NPAS3: variants seen among roughly 807,000 people sequenced by gnomAD.
The protein encoded by NPAS3 is neuronal PAS domain-containing protein 3.
In NPAS3, 14 loss-of-function variants were observed where a neutral mutation model predicts 73.1. That is an observed-to-expected ratio of 0.19 (90% CI 0.13 to 0.30). The LOEUF (loss-of-function observed/expected upper bound fraction) is 0.30, where lower values mean the gene tolerates loss of function less well. Among genes scored for constraint, NPAS3 ranks in the 10% least tolerant of loss-of-function variants. The probability of loss-of-function intolerance (pLI) is 1.00; values close to 1 mark genes in which losing one functional copy is unlikely to be tolerated. For synonymous variants in NPAS3, 620 were observed against 541.5 expected (o/e 1.14, Z -2.01); for missense variants, 1,096 against 1,250.0 (o/e 0.88, Z 1.86).
At chr14:33,553,301 G>T (rs1423169198) in intron 4 of NPAS3, among the ~76,000 whole-genome samples, 1 of 152,148 alleles carries the variant, frequency 6.6e-6, no homozygotes, top group African/African-American at 2.4e-5. Context: ...GGGTCTCTTT[G>T]TTCTTCTCAT....
intron 1 of NPAS3, among the ~76,000 whole-genome samples, chr14:32,960,159 TTTAC>T (rs1270596791): frequency 6.6e-6 from 1 of 152,022 alleles, no homozygotes; most frequent in Non-Finnish European, 1.5e-5. Context: ...CCCGAGAGGG[TTTAC>T]TTACTTTTAT....
At chr14:33,516,726 T>C (rs2053315736) in intron 4 of NPAS3, among the ~76,000 whole-genome samples, 1 of 152,236 alleles carries the variant, frequency 6.6e-6, no homozygotes, top group East Asian at 1.9e-4. Flanking sequence ...TGGTGAGCTC[T>C]CAATAATATT....
At chr14:33,700,312 G>A (rs974256328) in intron 6 of NPAS3, among the ~76,000 whole-genome samples, 4 of 152,138 alleles carry the variant, frequency 2.6e-5, no homozygotes, top group African/African-American at 9.7e-5. Flanking sequence ...AACTGCATCC[G>A]AGCACAGAGC....
At chr14:33,051,040 C>T (rs926787860) in intron 1 of NPAS3, among the ~76,000 whole-genome samples, 15 of 150,916 alleles carry the variant, frequency 9.9e-5, no homozygotes, top group Admixed American at 3.3e-4. Flanking sequence ...TTTGGGAGGC[C>T]GAGGCGGGTG....
At chr14:33,621,346 GAT>G (rs1948518073) in intron 5 of NPAS3, among the ~76,000 whole-genome samples, 1 of 152,100 alleles carries the variant, frequency 6.6e-6, no homozygotes, top group Non-Finnish European at 1.5e-5. Context: ...CCAGCTAAAA[GAT>G]AGGGATGCCA....
At chr14:33,171,512 C>T (rs536031275) in intron 2 of NPAS3, among the ~76,000 whole-genome samples, 1 of 152,324 alleles carries the variant, frequency 6.6e-6, no homozygotes, top group Admixed American at 6.5e-5. Context: ...ATAAACCAAC[C>T]TCTGCTAGCT....
intron 3 of NPAS3, among the ~76,000 whole-genome samples, chr14:33,280,432 T>G (rs2041549310): frequency 6.6e-6 from 1 of 152,196 alleles, no homozygotes; most frequent in South Asian, 2.1e-4. Flanking sequence ...ATGCCAATAC[T>G]GAGGAGAAAG....
At chr14:33,218,641 C>T (rs1416944133) in intron 3 of NPAS3, among the ~76,000 whole-genome samples, 1 of 152,096 alleles carries the variant, frequency 6.6e-6, no homozygotes, top group Non-Finnish European at 1.5e-5. Flanking sequence ...TTGAATAAAC[C>T]TAAAGGCATT....
At chr14:33,772,103 A>G (rs2138449216) in intron 7 of NPAS3, among the ~76,000 whole-genome samples, 1 of 152,324 alleles carries the variant, frequency 6.6e-6, no homozygotes, top group Middle Eastern at 3.4e-3. Flanking sequence ...TAGGCTTTTG[A>G]AAAACACCAA....
chr14:33,634,123 C>T (rs1329076670), intron 5 of NPAS3, among the ~76,000 whole-genome samples: 1 of 152,160 alleles, frequency 6.6e-6, no homozygotes, highest in Non-Finnish European at 1.5e-5. Flanking sequence ...TATTTCTTCC[C>T]TGGAAACTCG....
At chr14:33,464,828 G>T (rs970569671) in intron 4 of NPAS3, among the ~76,000 whole-genome samples, 3 of 152,212 alleles carry the variant, frequency 2.0e-5, no homozygotes, top group African/African-American at 7.2e-5. Context: ...GCCTGGTCCT[G>T]ATGGAAAGGC....
intron 2 of NPAS3, among the ~76,000 whole-genome samples, chr14:33,186,593 C>T (rs767721757): frequency 6.6e-6 from 1 of 152,154 alleles, no homozygotes; most frequent in South Asian, 2.1e-4. Flanking sequence ...GATTTTCCCT[C>T]GAGTCTGATC....
chr14:32,955,750 A>G (rs1159352482), intron 1 of NPAS3, among the ~76,000 whole-genome samples: 2 of 152,086 alleles, frequency 1.3e-5, no homozygotes, highest in East Asian at 1.9e-4. Flanking sequence ...GCCTATTGAT[A>G]TTTACATTTC....
chr14:33,717,032 A>C (rs1017765784), intron 6 of NPAS3, among the ~76,000 whole-genome samples: 3 of 152,160 alleles, frequency 2.0e-5, no homozygotes, highest in Non-Finnish European at 4.4e-5. Flanking sequence ...GTTTCTGTAA[A>C]GGGCTAGCTC....
At chr14:33,480,418 C>G (rs1330967740) in intron 4 of NPAS3, among the ~76,000 whole-genome samples, 1 of 152,104 alleles carries the variant, frequency 6.6e-6, no homozygotes, top group South Asian at 2.1e-4. Context: ...GGGATTAGTT[C>G]TGAAAAGGCA....
Position 33,653,125 on chromosome 14 carries a change from G to A in NPAS3, c.559-23086G>A, listed in dbSNP as rs368128005. On this transcript the variant is annotated intron_variant, in intron 5 of 11. Coordinates refer to ENST00000356141, the Ensembl canonical transcript of NPAS3. Reference sequence around the variant, plus strand: ...TACTTGTGTGTACATGTCTCTTATCGTGAGCCACCTTGAATCTCTTTGGGA... The same window carrying A: ...TACTTGTGTGTACATGTCTCTTATCATGAGCCACCTTGAATCTCTTTGGGA... 2.2e-3 allele frequency among the ~76,000 whole-genome samples: 335 copies of A among 152,170 alleles called. 1 individual carries two copies. The highest frequency in any genetic ancestry group is 7.7e-3 in the African/African-American group (320 of 41,514).
chr14:32,938,471 G>GAGAGAGAAATTGAC (rs2035778529), upstream of NPAS3, among the ~76,000 whole-genome samples: 1 of 128,292 alleles, frequency 7.8e-6, no homozygotes, highest in Non-Finnish European at 1.7e-5. Flanking sequence ...GAGAGAGAGA[G>GAGAGAGAAATTGAC]AGAGAGAGAG....
At chr14:33,650,741 C>CCTCTCTCT (rs10658218) in intron 5 of NPAS3, among the ~76,000 whole-genome samples, 32 of 148,328 alleles carry the variant, frequency 2.2e-4, no homozygotes, top group Non-Finnish European at 4.5e-5. Flanking sequence ...AAAATCTTTT[C>CCTCTCTCT]CTCTCTCTCT....
At chr14:33,025,776 C>A (rs1484772725) in intron 1 of NPAS3, among the ~76,000 whole-genome samples, 1 of 152,252 alleles carries the variant, frequency 6.6e-6, no homozygotes, top group Middle Eastern at 3.4e-3. Context: ...GTGCTTGCTT[C>A]CCCTTTGCTT....
Sources: allele counts gnomAD v4.1 joint callset (sites outside exome capture counted in the v4.1 genomes callset), GRCh38; gene constraint gnomAD v4.1.1; transcripts MANE v1.5; gene names NCBI Gene and HGNC (gene_info 2026-07-23, HGNC 2026-07-21).